Variants in SLC12A6 observed in about 807,000 individuals in gnomAD.
SLC12A6 encodes the protein solute carrier family 12 member 6, also known as K-Cl cotransporter 3.
A neutral mutation model predicts 135.3 loss-of-function variants in SLC12A6; 66 were observed. The observed-to-expected ratio is 0.49, with a 90% CI of 0.40 to 0.60. The LOEUF (loss-of-function observed/expected upper bound fraction) is 0.60, where lower values mean the gene tolerates loss of function less well. Ranked by LOEUF, SLC12A6 falls within the 20% of genes least tolerant of loss-of-function variation. The pLI is 0.00. For missense variants in SLC12A6, 1,058 were observed against 1,452.3 expected, an observed-to-expected ratio of 0.73 and a Z score of 4.41; for synonymous variants, 513 against 508.8, an observed-to-expected ratio of 1.01 and a Z score of -0.11.
At chr15:34,250,416 C>CT in intron 12 of SLC12A6, 61 bp from the exon 13 acceptor site, 3 of 1,040,710 alleles carry the variant, frequency 2.9e-6, no homozygotes, top group Non-Finnish European at 4.6e-6. Flanking sequence ...AGAAAGTAGA[C>CT]ACTCAGTAGA....
Position 34,251,252 on chromosome 15 carries a change from G to T in SLC12A6, c.1334-195C>A, listed in dbSNP as rs369116311. On this transcript the variant is annotated intron_variant, in intron 10 of 25. Transcript: ENST00000354181. ...TAAATAAAAACATAGTTTTTTTTTT[G>T]TTTGTTTGTTTTTTGAGACAGAGTT... Among the ~76,000 whole-genome samples the T allele has an allele frequency of 1.6e-4, 24 of 149,862 alleles. No homozygotes were observed. In the South Asian group the frequency reaches 1.9e-3, roughly 12 times the overall value.
At chr15:34,235,869 G>T in intron 24 of SLC12A6, 146 bp downstream of exon 24, 1 of 735,802 alleles carries the variant, frequency 1.4e-6, no homozygotes. Context: ...AGTGTTCATT[G>T]GGAGCCAGTA....
chr15:34,337,758 G>A lies in SLC12A6; in HGVS notation c.-499C>T, dbSNP rs1352619006. 6.6e-6 allele frequency: 1 copy of A among 152,300 alleles called. No homozygotes were observed. Among genetic ancestry groups the A allele is most frequent in the Non-Finnish European group, 1.5e-5 (1 of 68,130 alleles). 9.4% of individuals were successfully genotyped at this position (152,300 alleles called of 1,614,324 possible). On this transcript the variant is annotated 5_prime_UTR_variant, in exon 1 of 26. Coordinates refer to ENST00000354181, the MANE Select transcript of SLC12A6 (RefSeq NM_001365088.1). ...GCCAGCTGATGCGGGTGCGCGCGCAGCTGTTGTTTACTAGCCGGTAACTGT... is the reference window on the plus strand; with the variant it reads ...GCCAGCTGATGCGGGTGCGCGCGCAACTGTTGTTTACTAGCCGGTAACTGT...
chr15:34,238,622 T>G (rs1891437103), intron 20 of SLC12A6: 2 of 607,248 alleles, frequency 3.3e-6, no homozygotes, highest in South Asian at 3.9e-5. Flanking sequence ...TTCCCATTAC[T>G]ACATTTCTAA....
At chr15:34,324,120 C>T (rs193192349) in intron 2 of SLC12A6, among the ~76,000 whole-genome samples, 2 of 151,844 alleles carry the variant, frequency 1.3e-5, no homozygotes, top group African/African-American at 4.8e-5. Flanking sequence ...AGCGTAAGTC[C>T]ACAAAAATTC....
intron 7 of SLC12A6, 44 bp from the exon 8 acceptor site, chr15:34,255,436 T>C (rs776185617): frequency 3.5e-6 from 5 of 1,422,736 alleles, no homozygotes; most frequent in Middle Eastern, 1.8e-4. Context: ...GAGTGTGTAT[T>C]AGCAAGAGGA....
chr15:34,272,191 G>A (rs142195113), intron 3 of SLC12A6, among the ~76,000 whole-genome samples: 1,883 of 152,150 alleles, frequency 0.012, 15 homozygotes, highest in Middle Eastern at 0.037. Context: ...GGCTGGTCTC[G>A]AACTCCTGAC....
intron 3 of SLC12A6, among the ~76,000 whole-genome samples, chr15:34,269,446 A>G (rs1008218875): frequency 2.6e-5 from 4 of 152,304 alleles, no homozygotes; most frequent in East Asian, 1.9e-4. Context: ...ATAAATCTCA[A>G]GTTACTCCTT....
Position 34,257,678 on chromosome 15 carries a change from A to C in SLC12A6, c.654T>G (p.Leu218=). The C allele has an allele frequency of 3.1e-6, 5 of 1,613,762 alleles. No homozygotes were observed. Among genetic ancestry groups the C allele is most frequent in the Non-Finnish European group, 4.2e-6 (5 of 1,179,692 alleles). ...LTWVVGTAGV[L]QAFAIVLICC... is the part of the protein sequence containing the mutation. ...AGATAAGGACAATTGCAAAAGCCTG[A>C]AGAACTCCAGCTGTGCCCACCACCC... Residue 218 remains leucine, a synonymous_variant, in exon 6 of 26, where the codon CTT becomes CTG. Coordinates refer to ENST00000354181, the MANE Select transcript of SLC12A6 (RefSeq NM_001365088.1).
At chr15:34,279,295 C>G (rs1039523299) in intron 2 of SLC12A6, among the ~76,000 whole-genome samples, 3 of 151,286 alleles carry the variant, frequency 2.0e-5, no homozygotes, top group African/African-American at 7.3e-5. Context: ...GCCTGGGCGA[C>G]AGAGCAAGAC....
chr15:34,293,187 T>C lies in SLC12A6; in HGVS notation c.272-17798A>G, dbSNP rs185791708. Among the ~76,000 whole-genome samples the C allele has an allele frequency of 1.5e-4, 23 of 152,340 alleles. No homozygotes were observed. In the East Asian group the frequency reaches 4.0e-3, roughly 27 times the overall value. ...ATACGTGTTTTTTAAAAAATCTTAA[T>C]TGAGTTCTGATATGGCTTTAAGGAT... On this transcript the variant is annotated intron_variant, in intron 2 of 25. Transcript: ENST00000354181.
At chr15:34,314,203 C>T (rs1323129344) in intron 2 of SLC12A6, among the ~76,000 whole-genome samples, 1 of 152,048 alleles carries the variant, frequency 6.6e-6, no homozygotes, top group Non-Finnish European at 1.5e-5. Flanking sequence ...CATATGCCAC[C>T]ACGCCCAGTT....
intron 3 of SLC12A6, among the ~76,000 whole-genome samples, chr15:34,262,844 G>A (rs769380530): frequency 2.0e-5 from 3 of 152,174 alleles, no homozygotes; most frequent in Non-Finnish European, 4.4e-5. Flanking sequence ...CCACCAGTGC[G>A]CAATTGCCAC....
At chr15:34,330,902 T>C (rs8042163) in intron 2 of SLC12A6, among the ~76,000 whole-genome samples, 28,088 of 151,670 alleles carry the variant, frequency 0.19, 2,905 homozygotes, top group East Asian at 0.33. Flanking sequence ...ATTAGCTGGG[T>C]GTAGTGGCAC....
intron 25 of SLC12A6, 74 bp downstream of exon 25, chr15:34,235,107 A>G: frequency 7.4e-7 from 1 of 1,348,258 alleles, no homozygotes. Flanking sequence ...AATGACTTTT[A>G]TTGTTACCTA....
intron 2 of SLC12A6, among the ~76,000 whole-genome samples, chr15:34,313,357 C>G (rs1247625779): frequency 2.0e-5 from 3 of 152,176 alleles, no homozygotes; most frequent in Non-Finnish European, 4.4e-5. Flanking sequence ...GAAGATCAAA[C>G]CAGCCACAAC....
At chr15:34,330,064 AT>A (rs2141179313) in intron 2 of SLC12A6, among the ~76,000 whole-genome samples, 1 of 152,302 alleles carries the variant, frequency 6.6e-6, no homozygotes, top group East Asian at 1.9e-4. Context: ...ATTCCTTAAT[AT>A]TAATATCATG....
upstream of SLC12A6, chr15:34,337,810 C>A (rs1262181757): frequency 6.6e-6 from 1 of 152,138 alleles, no homozygotes; most frequent in Non-Finnish European, 1.5e-5. Flanking sequence ...GCGCAGGGTT[C>A]GCGCTGCCGG....
intron 2 of SLC12A6, among the ~76,000 whole-genome samples, chr15:34,293,342 T>TCC: frequency 6.6e-6 from 1 of 152,202 alleles, no homozygotes; most frequent in East Asian, 1.9e-4. Flanking sequence ...TCTCACTCTG[T>TCC]TGCCCAGGCT....
Sources: allele counts gnomAD v4.1 joint callset (sites outside exome capture counted in the v4.1 genomes callset), GRCh38; gene constraint gnomAD v4.1.1; transcripts MANE v1.5; gene names NCBI Gene and HGNC (gene_info 2026-07-23, HGNC 2026-07-21).